Variants in ZPBP observed in about 807,000 individuals in gnomAD.
The protein encoded by ZPBP is zona pellucida-binding protein 1.
In ZPBP, 26 loss-of-function variants were observed where a neutral mutation model predicts 44.8. The ratio of observed to expected loss-of-function variants is 0.58; its 90% CI spans 0.43 to 0.81. The LOEUF is 0.81. Among genes scored for constraint, ZPBP ranks in the 30% least tolerant of loss-of-function variants. The pLI is 0.00. For missense variants in ZPBP, 409 were observed against 434.0 expected (o/e 0.94, Z 0.51); for synonymous variants, 174 against 153.2 (o/e 1.14, Z -1.00).
intron 3 of ZPBP, among the ~76,000 whole-genome samples, chr7:50,077,944 G>T (rs540770192): frequency 1.3e-5 from 2 of 151,828 alleles, no homozygotes; most frequent in East Asian, 3.9e-4. Flanking sequence ...CTGCATTCCT[G>T]TGTGTTGCAG....
intron 6 of ZPBP, among the ~76,000 whole-genome samples, chr7:49,990,557 G>C (rs1342695605): frequency 1.3e-5 from 2 of 152,010 alleles, no homozygotes; most frequent in Non-Finnish European, 2.9e-5. Flanking sequence ...CTGCAACCCT[G>C]GGACTCCTTT....
intron 2 of ZPBP, among the ~76,000 whole-genome samples, chr7:49,872,751 CAA>C (rs34987652): frequency 8.2e-6 from 1 of 122,066 alleles, no homozygotes; most frequent in Admixed American, 8.6e-5. Context: ...ACAAAAAATA[CAA>C]AAAAAAAAAA....
At chr7:49,982,608 G>A (rs1292260557) in intron 7 of ZPBP, among the ~76,000 whole-genome samples, 1 of 151,304 alleles carries the variant, frequency 6.6e-6, no homozygotes, top group Non-Finnish European at 1.5e-5. Flanking sequence ...TCAGCCATCA[G>A]AATCGTGAGA....
At chr7:50,023,343 T>C (rs1285798493) in intron 5 of ZPBP, among the ~76,000 whole-genome samples, 2 of 152,018 alleles carry the variant, frequency 1.3e-5, no homozygotes, top group African/African-American at 4.8e-5. Flanking sequence ...ATTTACAGTG[T>C]TCCGTATAAT....
At chr7:49,983,799 G>A (rs1290407923) in intron 6 of ZPBP, among the ~76,000 whole-genome samples, 1 of 151,924 alleles carries the variant, frequency 6.6e-6, no homozygotes, top group Non-Finnish European at 1.5e-5. Flanking sequence ...ATAAGTATAT[G>A]AGCAAAATCA....
chr7:49,857,879 G>C (rs1447521372), intron 2 of ZPBP, among the ~76,000 whole-genome samples: 1 of 152,136 alleles, frequency 6.6e-6, no homozygotes, highest in Non-Finnish European at 1.5e-5. Context: ...TCTGAAAGTG[G>C]TGGTGAGGGC....
At chr7:49,982,856 AAAAG>A (rs1797090593) in intron 7 of ZPBP, among the ~76,000 whole-genome samples, 2 of 151,988 alleles carry the variant, frequency 1.3e-5, no homozygotes, top group African/African-American at 4.8e-5. Flanking sequence ...GTAAAGATGA[AAAAG>A]AAAGAATGAA....
intron 4 of ZPBP, among the ~76,000 whole-genome samples, chr7:50,048,752 A>T (rs1800523259): frequency 6.6e-6 from 1 of 152,018 alleles, no homozygotes; most frequent in African/African-American, 2.4e-5. Context: ...ACGTAGCCTA[A>T]TCTTTTATCT....
At chr7:50,003,942 A>C (rs1427476994) in intron 6 of ZPBP, among the ~76,000 whole-genome samples, 1 of 152,200 alleles carries the variant, frequency 6.6e-6, no homozygotes, top group Non-Finnish European at 1.5e-5. Flanking sequence ...GCTTAATTAC[A>C]TAAAAGAGAA....
intron 7 of ZPBP, among the ~76,000 whole-genome samples, chr7:49,952,070 T>C (rs1583903091): frequency 6.6e-6 from 1 of 151,918 alleles, no homozygotes; most frequent in African/African-American, 2.4e-5. Context: ...ATGGTAGACA[T>C]GAATGAGGCG....
intron 2 of ZPBP, among the ~76,000 whole-genome samples, chr7:49,862,895 T>C (rs189256740): frequency 6.6e-6 from 1 of 152,296 alleles, no homozygotes; most frequent in Admixed American, 6.5e-5. Flanking sequence ...GGATGTTTTT[T>C]ATCTGTCTCA....
intron 2 of ZPBP, among the ~76,000 whole-genome samples, chr7:49,898,693 G>A (rs1233921855): frequency 6.6e-6 from 1 of 151,894 alleles, no homozygotes; most frequent in Non-Finnish European, 1.5e-5. Context: ...GACAGCAGTA[G>A]GACAATGGAT....
chr7:49,919,958 T>G (rs1430100027), intron 1 of ZPBP: 1 of 152,232 alleles, frequency 6.6e-6, no homozygotes. Flanking sequence ...TTGTTACAAA[T>G]AACACTGAAG....
At chr7:49,875,113 T>G (rs1218577439) in intron 2 of ZPBP, among the ~76,000 whole-genome samples, 1 of 151,750 alleles carries the variant, frequency 6.6e-6, no homozygotes, top group Non-Finnish European at 1.5e-5. Flanking sequence ...GGCTCATGCC[T>G]GTAATCCCAG....
At chr7:49,973,581 T>G (rs1164104453) in intron 7 of ZPBP, among the ~76,000 whole-genome samples, 1 of 151,948 alleles carries the variant, frequency 6.6e-6, no homozygotes, top group African/African-American at 2.4e-5. Context: ...AATAAACACA[T>G]GAAAAGATGC....
chr7:50,027,071 A>AC (rs35732560), intron 5 of ZPBP, among the ~76,000 whole-genome samples: 42 of 151,888 alleles, frequency 2.8e-4, no homozygotes, highest in African/African-American at 8.0e-4. Context: ...CATGTGCTCA[A>AC]CCCCCCCTCA....
the ZPBP span, among the ~76,000 whole-genome samples, chr7:49,841,192 C>A: frequency 6.6e-6 from 1 of 152,190 alleles, no homozygotes; most frequent in South Asian, 2.1e-4. Flanking sequence ...ACTCAAGTAA[C>A]CAAAGCAAGA....
intron 1 of ZPBP, among the ~76,000 whole-genome samples, chr7:49,908,024 CAA>C (rs371574713): frequency 1.8e-3 from 277 of 152,220 alleles, no homozygotes; most frequent in African/African-American, 6.3e-3. Flanking sequence ...ATTTTCCCCA[CAA>C]AAGACAGCCT....
chr7:50,008,444 C>G (rs1459814905), intron 6 of ZPBP, among the ~76,000 whole-genome samples: 1 of 151,978 alleles, frequency 6.6e-6, no homozygotes, highest in Non-Finnish European at 1.5e-5. Context: ...TAATACAACC[C>G]AAAGCTATTT....
Sources: allele counts gnomAD v4.1 joint callset (sites outside exome capture counted in the v4.1 genomes callset), GRCh38; gene constraint gnomAD v4.1.1; transcripts MANE v1.5; gene names NCBI Gene and HGNC (gene_info 2026-07-23, HGNC 2026-07-21).